Variants in AGBL4 observed in about 807,000 individuals in gnomAD.
AGBL4 encodes the protein AGBL carboxypeptidase 4.
AGBL4 carries 58 observed loss-of-function variants against 66.4 expected under a neutral mutation model. The observed-to-expected ratio is 0.87, with a 90% CI of 0.71 to 1.09. The LOEUF (loss-of-function observed/expected upper bound fraction) is 1.09, where lower values mean the gene tolerates loss of function less well. AGBL4 is among the 50% of genes least tolerant of loss of function. The pLI, the probability that AGBL4 is intolerant of heterozygous loss-of-function variation, is 0.00. For synonymous variants in AGBL4, 234 were observed against 222.9 expected (o/e 1.05, Z -0.44); for missense variants, 579 against 631.0 (o/e 0.92, Z 0.88).
chr1:48,581,726 A>G (rs1463002738), intron 11 of AGBL4, among the ~76,000 whole-genome samples: 1 of 152,230 alleles, frequency 6.6e-6, no homozygotes, highest in Non-Finnish European at 1.5e-5. Flanking sequence ...CACAGACTAT[A>G]TGCCCGGTGA....
intron 3 of AGBL4, among the ~76,000 whole-genome samples, chr1:49,359,132 C>T (rs976486410): frequency 1.3e-5 from 2 of 152,078 alleles, no homozygotes; most frequent in Non-Finnish European, 2.9e-5. Context: ...GTTTTAGGCA[C>T]AAAATAGCTT....
Position 50,019,298 on chromosome 1 carries a change from T to TCACA in AGBL4, c.34+4464_34+4465insTGTG, listed in dbSNP as rs1389025668. On this transcript the variant is annotated intron_variant, in intron 1 of 13. Coordinates refer to ENST00000371839, the MANE Select transcript of AGBL4 (RefSeq NM_032785.4). ...CTCTCTCTCTCTCTCTCTCTCTCTC[T>TCACA]CTCTCTCTCACACACACACACACAC... 1.7e-4 allele frequency among the ~76,000 whole-genome samples: 13 copies of TCACA among 76,888 alleles called. No individual in the cohort carries two copies. The South Asian group carries it at 1.9e-3, about 11-fold the overall frequency. 50.4% of individuals were successfully genotyped at this position (76,888 alleles called of 152,430 possible).
chr1:49,645,454 A>G (rs1645866481), intron 3 of AGBL4, among the ~76,000 whole-genome samples: 1 of 151,464 alleles, frequency 6.6e-6, no homozygotes, highest in Admixed American at 6.6e-5. Context: ...TAGGAAATAA[A>G]CAGATTTTCT....
intron 3 of AGBL4, among the ~76,000 whole-genome samples, chr1:49,256,285 CA>C (rs1372394700): frequency 1.3e-5 from 2 of 151,514 alleles, no homozygotes; most frequent in African/African-American, 4.9e-5. Context: ...CATATACAAC[CA>C]AAAAATGTAC....
chr1:48,710,888 G>A, intron 6 of AGBL4, among the ~76,000 whole-genome samples: 1 of 151,090 alleles, frequency 6.6e-6, no homozygotes, highest in Non-Finnish European at 1.5e-5. Context: ...CACCCCACCA[G>A]CCTACCTATG....
chr1:49,278,989 A>G (rs1261599191), intron 3 of AGBL4, among the ~76,000 whole-genome samples: 1 of 152,172 alleles, frequency 6.6e-6, no homozygotes, highest in Admixed American at 6.5e-5. Flanking sequence ...ATCCACATTC[A>G]TGAAGCTTCA....
At chr1:49,543,720 T>A (rs1345966675) in intron 3 of AGBL4, among the ~76,000 whole-genome samples, 1 of 152,214 alleles carries the variant, frequency 6.6e-6, no homozygotes, top group East Asian at 1.9e-4. Flanking sequence ...GAACTAAATG[T>A]GCTATATATT....
chr1:48,974,023 TC>T (rs1659118057), intron 5 of AGBL4, among the ~76,000 whole-genome samples: 1 of 151,980 alleles, frequency 6.6e-6, no homozygotes, highest in South Asian at 2.1e-4. Flanking sequence ...ACATCAAACA[TC>T]CTATATGTGC....
rs758775306 is a variant in AGBL4 at position 48,587,020 on chromosome 1, G to A, written c.1251C>T (p.Pro417=). ...TAAGGATACAGGCTTCTTCAGTGTA[G>A]GGCACAGCAGCCGTGGTGCCACTGA... The part of the protein sequence containing the change: ...YIISGTTAAV[P]YTEEAYMKLG... Residue 417 remains proline (P), a synonymous_variant, in exon 11 of 14, where the codon CCC becomes CCT. Coordinates refer to ENST00000371839, the MANE Select transcript of AGBL4 (RefSeq NM_032785.4). The A allele has an allele frequency of 6.2e-7, 1 of 1,610,084 alleles. No individual in the cohort carries two copies. Among genetic ancestry groups the A allele is most frequent in the Non-Finnish European group, 8.5e-7 (1 of 1,178,434 alleles).
intron 3 of AGBL4, among the ~76,000 whole-genome samples, chr1:49,554,840 C>T (rs537995747): frequency 7.2e-5 from 11 of 152,014 alleles, no homozygotes; most frequent in South Asian, 2.1e-4. Flanking sequence ...TGCAGACCTT[C>T]GGGTGAGTGT....
chr1:49,636,717 C>T (rs1416408610), intron 3 of AGBL4, among the ~76,000 whole-genome samples: 2 of 151,814 alleles, frequency 1.3e-5, no homozygotes, highest in Non-Finnish European at 3.0e-5. Flanking sequence ...ACAGTGGTTA[C>T]TGACTTGAAA....
At chr1:49,829,089 A>C (rs1645587774) in intron 2 of AGBL4, among the ~76,000 whole-genome samples, 1 of 151,844 alleles carries the variant, frequency 6.6e-6, no homozygotes, top group Non-Finnish European at 1.5e-5. Flanking sequence ...AAAGAAAGAA[A>C]GAAAGAAAGG....
chr1:49,310,835 A>T (rs1256058331), intron 3 of AGBL4, among the ~76,000 whole-genome samples: 1 of 152,092 alleles, frequency 6.6e-6, no homozygotes, highest in African/African-American at 2.4e-5. Flanking sequence ...GTACGTCTGT[A>T]GTACACAATA....
At chr1:49,904,802 A>T (rs1650101006) in intron 1 of AGBL4, among the ~76,000 whole-genome samples, 1 of 152,216 alleles carries the variant, frequency 6.6e-6, no homozygotes, top group African/African-American at 2.4e-5. Context: ...GAGCTGCTAG[A>T]GGCTATTCTC....
chr1:48,914,008 A>C (rs1653373728), intron 5 of AGBL4, among the ~76,000 whole-genome samples: 1 of 152,156 alleles, frequency 6.6e-6, no homozygotes, highest in Non-Finnish European at 1.5e-5. Flanking sequence ...ATCAAGTGGG[A>C]AGTTGGAGGA....
At chr1:49,083,602 C>T (rs930771134) in intron 4 of AGBL4, among the ~76,000 whole-genome samples, 1 of 152,212 alleles carries the variant, frequency 6.6e-6, no homozygotes, top group African/African-American at 2.4e-5. Flanking sequence ...ACCATTTTTT[C>T]CTTCTAGGTT....
chr1:49,851,215 AACAACAAAAAT>A (rs1351471917), intron 2 of AGBL4, among the ~76,000 whole-genome samples, 170 bp downstream of exon 2: 1 of 152,162 alleles, frequency 6.6e-6, no homozygotes, highest in African/African-American at 2.4e-5. Context: ...AATCATTTAT[AACAACAAAAAT>A]TTGATATTCC....
chr1:49,988,472 T>A (rs576743334), intron 1 of AGBL4, among the ~76,000 whole-genome samples: 4 of 152,280 alleles, frequency 2.6e-5, no homozygotes, highest in African/African-American at 9.6e-5. Context: ...GAGTGCACAT[T>A]TTCCCCTCAG....
At chr1:49,324,138 T>C (rs1049056950) in intron 3 of AGBL4, among the ~76,000 whole-genome samples, 3 of 152,256 alleles carry the variant, frequency 2.0e-5, no homozygotes, top group Admixed American at 6.5e-5. Context: ...CACAACCTAT[T>C]GTCAATTTAA....
Sources: gnomAD v4.1 joint callset for allele counts (sites outside exome capture counted in the v4.1 genomes callset) on GRCh38, gnomAD v4.1.1 for gene constraint, MANE v1.5 for transcripts, NCBI Gene and HGNC (gene_info 2026-07-23, HGNC 2026-07-21) for gene names.